The following ROBO2 variants were observed in gnomAD, a reference collection of about 807,000 sequenced individuals.
The protein encoded by ROBO2 is roundabout homolog 2.
A neutral mutation model predicts 160.8 loss-of-function variants in ROBO2; 53 were observed. That is an observed-to-expected ratio of 0.33 (90% CI 0.26 to 0.41). The LOEUF (loss-of-function observed/expected upper bound fraction) is 0.41, where lower values mean the gene tolerates loss of function less well. Ranked by LOEUF, ROBO2 falls within the 10% of genes least tolerant of loss-of-function variation. The probability of loss-of-function intolerance (pLI) is 1.00; values close to 1 mark genes in which losing one functional copy is unlikely to be tolerated. For missense variants in ROBO2, 1,577 were observed against 1,722.4 expected, an observed-to-expected ratio of 0.92 and a Z score of 1.49; for synonymous variants, 664 against 611.7, an observed-to-expected ratio of 1.09 and a Z score of -1.26.
intron 2 of ROBO2, among the ~76,000 whole-genome samples, chr3:76,524,552 G>T (rs910051228): frequency 6.6e-6 from 1 of 151,662 alleles, no homozygotes; most frequent in African/African-American, 2.4e-5. Flanking sequence ...CTATGATTTA[G>T]AGATTATGGG....
Position 77,502,223 on chromosome 3 carries a change from T to G in ROBO2, c.806+8841T>G, listed in dbSNP as rs80115884. ...GTGGGAAGAACTTTTCTTCATTTTT[T>G]ATTTGGGATTGAAGATAAGGAAAAG... On this transcript the variant is annotated intron_variant, in intron 5 of 25. Transcript: ENST00000461745. Among the ~76,000 whole-genome samples, 1,119 of 152,266 alleles carry G rather than the reference T, an allele frequency of 7.3e-3. 15 individuals are homozygous for G. Among genetic ancestry groups the G allele is most frequent in the African/African-American group, 0.024 (980 of 41,564 alleles).
At chr3:76,955,847 G>A (rs1238636258) in intron 2 of ROBO2, among the ~76,000 whole-genome samples, 1 of 147,500 alleles carries the variant, frequency 6.8e-6, no homozygotes, top group African/African-American at 2.5e-5. Context: ...AGAATCCCTT[G>A]AACCCGGGAG....
intron 2 of ROBO2, among the ~76,000 whole-genome samples, chr3:75,983,977 G>A (rs565033848): frequency 2.0e-5 from 3 of 151,464 alleles, no homozygotes; most frequent in Admixed American, 6.6e-5. Context: ...TTTATCTTAT[G>A]TGCTCTTTTA....
At chr3:76,610,465 C>A (rs139822082) in intron 2 of ROBO2, among the ~76,000 whole-genome samples, 1 of 152,164 alleles carries the variant, frequency 6.6e-6, no homozygotes, top group South Asian at 2.1e-4. Context: ...TTGAGGGGAA[C>A]GCAGTGGCAC....
At chr3:77,029,134 C>G (rs1035638155) in intron 2 of ROBO2, among the ~76,000 whole-genome samples, 2 of 151,968 alleles carry the variant, frequency 1.3e-5, no homozygotes, top group Non-Finnish European at 2.9e-5. Flanking sequence ...TTCAACTTGA[C>G]TTATGAGGCC....
At chr3:76,773,453 C>T in intron 2 of ROBO2, among the ~76,000 whole-genome samples, 1 of 150,806 alleles carries the variant, frequency 6.6e-6, no homozygotes, top group East Asian at 2.0e-4. Flanking sequence ...CATACATGCA[C>T]CTTACCTTTC....
intron 2 of ROBO2, among the ~76,000 whole-genome samples, chr3:76,210,624 T>C (rs1445976576): frequency 2.6e-5 from 4 of 152,144 alleles, no homozygotes; most frequent in Non-Finnish European, 5.9e-5. Flanking sequence ...GCTGTTTTGA[T>C]TGAAAAATTC....
intron 2 of ROBO2, among the ~76,000 whole-genome samples, chr3:77,007,067 G>A (rs762169362): frequency 1.3e-5 from 2 of 152,090 alleles, no homozygotes; most frequent in African/African-American, 2.4e-5. Context: ...TTAACCAACA[G>A]AGAAGACTCT....
intron 2 of ROBO2, among the ~76,000 whole-genome samples, chr3:76,086,080 G>A (rs141345554): frequency 4.7e-4 from 71 of 152,222 alleles, no homozygotes; most frequent in East Asian, 1.7e-3. Context: ...CTGATCTCAC[G>A]CAGCTATAAG....
intron 21 of ROBO2, among the ~76,000 whole-genome samples, chr3:77,609,782 T>TTA (rs1379653350): frequency 2.5e-4 from 30 of 118,938 alleles, no homozygotes; most frequent in African/African-American, 8.8e-4. Flanking sequence ...TTTGGAAACT[T>TTA]TATATATACA....
intron 2 of ROBO2, among the ~76,000 whole-genome samples, chr3:76,064,307 T>C (rs1393208176): frequency 6.6e-6 from 1 of 152,170 alleles, no homozygotes; most frequent in Non-Finnish European, 1.5e-5. Flanking sequence ...TTATGAAGGT[T>C]ACACAGCTGA....
At chr3:77,498,081 T>G (rs73103694) in intron 5 of ROBO2, among the ~76,000 whole-genome samples, 17,580 of 152,142 alleles carry the variant, frequency 0.12, 1,061 homozygotes, top group East Asian at 0.2. Context: ...GAGTTTGTAT[T>G]TCATTTCATT....
At chr3:76,646,713 C>T (rs1037160472) in intron 2 of ROBO2, among the ~76,000 whole-genome samples, 3 of 152,020 alleles carry the variant, frequency 2.0e-5, no homozygotes, top group Non-Finnish European at 2.9e-5. Context: ...TTACCTCTGC[C>T]AAGAAGTCAC....
At chr3:77,015,310 T>G (rs1578262354) in intron 2 of ROBO2, among the ~76,000 whole-genome samples, 1 of 152,308 alleles carries the variant, frequency 6.6e-6, no homozygotes, top group African/African-American at 2.4e-5. Context: ...TGTGACCAAT[T>G]TGTAATGAAA....
intron 20 of ROBO2, among the ~76,000 whole-genome samples, chr3:77,607,396 C>G (rs1037447620): frequency 6.6e-5 from 10 of 152,044 alleles, no homozygotes; most frequent in African/African-American, 2.2e-4. Flanking sequence ...TAGCCTATAT[C>G]CTTAGACCTT....
At chr3:77,173,500 G>C (rs1339670794) in intron 2 of ROBO2, among the ~76,000 whole-genome samples, 2 of 152,132 alleles carry the variant, frequency 1.3e-5, no homozygotes, top group South Asian at 4.2e-4. Flanking sequence ...CTTTCAGATT[G>C]AGAGTCTGAA....
chr3:76,352,357 A>C (rs564631227), intron 2 of ROBO2, among the ~76,000 whole-genome samples: 15 of 152,086 alleles, frequency 9.9e-5, no homozygotes, highest in South Asian at 2.1e-4. Flanking sequence ...TTTCCTCCAC[A>C]ACCCTGCTTC....
chr3:77,218,154 G>A (rs1320902562), intron 2 of ROBO2, among the ~76,000 whole-genome samples: 1 of 152,134 alleles, frequency 6.6e-6, no homozygotes, highest in Non-Finnish European at 1.5e-5. Flanking sequence ...ATGTATGGAT[G>A]TGTTCAATCC....
At chr3:76,896,115 C>T (rs1256180167) in intron 2 of ROBO2, among the ~76,000 whole-genome samples, 1 of 152,146 alleles carries the variant, frequency 6.6e-6, no homozygotes, top group African/African-American at 2.4e-5. Flanking sequence ...GAAAGAAAAA[C>T]CCATTCCTGA....
Sources: allele counts gnomAD v4.1 joint callset (sites outside exome capture counted in the v4.1 genomes callset), GRCh38; gene constraint gnomAD v4.1.1; transcripts MANE v1.5; gene names NCBI Gene and HGNC (gene_info 2026-07-23, HGNC 2026-07-21).